The following ZRSR2 variants were observed in gnomAD, a reference collection of about 807,000 sequenced individuals.
ZRSR2 encodes U2 small nuclear ribonucleoprotein auxiliary factor 35 kDa subunit-related protein 2.
Under a neutral mutation model 39.4 loss-of-function variants are expected in ZRSR2, and 3 were observed. That is an observed-to-expected ratio of 0.08 (90% CI 0.03 to 0.20). The LOEUF (loss-of-function observed/expected upper bound fraction) is 0.20, where lower values mean the gene tolerates loss of function less well. Among genes scored for constraint, ZRSR2 ranks in the 10% least tolerant of loss-of-function variants. The pLI is 1.00. For synonymous variants in ZRSR2, 137 were observed against 136.0 expected (o/e 1.01, Z -0.05); for missense variants, 256 against 391.5 (o/e 0.65, Z 2.92).
intron 7 of ZRSR2, among the ~76,000 whole-genome samples, chrX:15,811,457 G>A (rs1299510707): frequency 4.9e-5 from 5 of 102,722 alleles, no homozygotes; most frequent in South Asian, 5.0e-4. Flanking sequence ...ACGGAGTCTC[G>A]CCCTGTCACC....
Position 15,823,078 on chromosome X carries a change from C to G in ZRSR2, c.1285C>G (p.Arg429Gly), listed in dbSNP as rs1473782265. 3.3e-6 allele frequency: 4 copies of G among 1,209,605 alleles called. No individual in the cohort carries two copies. In the East Asian group the frequency reaches 1.2e-4, roughly 36 times the overall value. The change falls in exon 11 of 11, where the codon CGC becomes GGC. Residue 429 changes from arginine to glycine, a missense_variant. Arg to Gly is a moderately radical substitution (Grantham distance 125). Around this residue, in one of 3 missense-constraint regions of ZRSR2, gnomAD observed 111 missense variants for 116.7 expected, o/e 0.95. Transcript: ENST00000307771. ...ACGAAGCAGAGGAAGAAATAGGGAC[C>G]GCAGCAGGGACCGCAGCCGGGGCCG... is the stretch of plus-strand genomic sequence containing the variant. ...NSRSRGRNRDRSRDRSRGRGS... is the reference protein window; with the variant it reads ...NSRSRGRNRDGSRDRSRGRGS...
chrX:15,795,626 G>A lies in ZRSR2; in HGVS notation c.122-4246G>A, dbSNP rs191496885. On this transcript the variant is annotated intron_variant, in intron 2 of 10. Transcript: ENST00000307771. Reference sequence around the variant, plus strand: ...TACAACCAAAAGACAGGCAGCTGGTGCTGATCTTTTCCCTTCAAGGATTGG... The same window carrying A: ...TACAACCAAAAGACAGGCAGCTGGTACTGATCTTTTCCCTTCAAGGATTGG... Among the ~76,000 whole-genome samples, 46 of 112,107 alleles carry A rather than the reference G, an allele frequency of 4.1e-4. 1 individual carries two copies. In the East Asian group the frequency reaches 0.012, roughly 29 times the overall value.
At chrX:15,818,690 G>T (rs1933030716) in intron 9 of ZRSR2, 48 bp downstream of exon 9, 2 of 1,042,822 alleles carry the variant, frequency 1.9e-6, no homozygotes, top group African/African-American at 3.8e-5. Context: ...ACAGTTTGTT[G>T]TTCTGTTTCT....
At chrX:15,810,431 T>A (rs947976597) in intron 7 of ZRSR2, among the ~76,000 whole-genome samples, 1 of 111,786 alleles carries the variant, frequency 8.9e-6, no homozygotes, top group African/African-American at 3.3e-5. Context: ...CTTAACATCC[T>A]ATTAATCCTG....
chrX:15,810,557 C>T lies in ZRSR2; in HGVS notation c.557+1239C>T, dbSNP rs1456611454. On this transcript the variant is annotated intron_variant, in intron 7 of 10. Coordinates refer to ENST00000307771, the MANE Select transcript of ZRSR2 (RefSeq NM_005089.4). ...CTGTGAGGTTTTTTTCCTTCTTCTT[C>T]TTCTTTGAAAATATATCCTTCTCTA... 2.7e-5 allele frequency among the ~76,000 whole-genome samples: 3 copies of T among 111,014 alleles called. No homozygotes were observed. In the East Asian group the frequency reaches 8.4e-4, roughly 31 times the overall value.
chrX:15,804,646 G>T (rs776353031), intron 5 of ZRSR2, among the ~76,000 whole-genome samples: 1 of 111,933 alleles, frequency 8.9e-6, no homozygotes, highest in South Asian at 3.7e-4. Flanking sequence ...CTGAGGTTCT[G>T]CTGTATATGA....
At chrX:15,814,638 A>G (rs892674843) in intron 7 of ZRSR2, among the ~76,000 whole-genome samples, 2 of 111,440 alleles carry the variant, frequency 1.8e-5, no homozygotes, top group Non-Finnish European at 3.8e-5. Flanking sequence ...TCAAAAACAA[A>G]TTGTATTTAT....
intron 2 of ZRSR2, among the ~76,000 whole-genome samples, chrX:15,795,309 A>C (rs1029685839): frequency 9.1e-6 from 1 of 110,402 alleles, no homozygotes; most frequent in South Asian, 3.9e-4. Context: ...GTTCTCTCCC[A>C]TAGCATTGAC....
chrX:15,803,443 A>G (rs1473919026), intron 3 of ZRSR2, among the ~76,000 whole-genome samples: 2 of 111,515 alleles, frequency 1.8e-5, no homozygotes, highest in Non-Finnish European at 1.9e-5. Flanking sequence ...TCACAGCCAT[A>G]TATACCTATG....
At chrX:15,811,396 C>A (rs1198445325) in intron 7 of ZRSR2, among the ~76,000 whole-genome samples, 1 of 104,309 alleles carries the variant, frequency 9.6e-6, no homozygotes, top group Non-Finnish European at 1.9e-5. Context: ...AAATTTAAGA[C>A]CCGTGGTAGC....
Position 15,801,221 on chromosome X carries a change from A to T in ZRSR2, c.203+1268A>T, listed in dbSNP as rs953568337. The T allele has an allele frequency of 1.8e-4, 23 of 129,956 alleles. 1 individual carries two copies. The highest frequency in any genetic ancestry group is 5.2e-4 in the African/African-American group (16 of 31,051). 10.7% of individuals were successfully genotyped at this position (129,956 alleles called of 1,213,427 possible). The stretch of plus-strand genomic sequence containing the variant: ...TCTCTTTTGGGATACATGTTTTTTT[A>T]AAATTTGTTTTTGTTTTGTTTTGTT... On this transcript the variant is annotated intron_variant, in intron 3 of 10. Transcript: ENST00000307771.
chrX:15,803,862 G>A (rs1430170421), intron 4 of ZRSR2, 66 bp downstream of exon 4: 20 of 1,150,340 alleles, frequency 1.7e-5, no homozygotes, highest in Admixed American at 1.6e-4. Flanking sequence ...CTCATGAAGA[G>A]TTGCCTATCT....
intron 2 of ZRSR2, among the ~76,000 whole-genome samples, chrX:15,792,045 A>G (rs760973756): frequency 1.3e-4 from 15 of 111,623 alleles, no homozygotes; most frequent in African/African-American, 4.5e-4. Context: ...GCCTCAAGCA[A>G]TCCTTCCACC....
chrX:15,820,380 TG>T lies in ZRSR2; in HGVS notation c.937+69del, dbSNP rs201567950. On this transcript the variant is annotated intron_variant, in intron 10 of 10. Transcript: ENST00000307771. ...CACTGCTATATAAAGGGATATTCTT[TG>T]GGGGAAACCCAGTATTTTCAAGTGG... The T allele has an allele frequency of 3.1e-3, 3,205 of 1,038,295 alleles. 57 individuals carry two copies. The African/African-American group carries it at 0.053, about 17-fold the overall frequency. 85.6% of individuals were successfully genotyped at this position (1,038,295 alleles called of 1,213,427 possible). A position where few individuals can be genotyped will look rare whatever the true frequency, so the allele number is the denominator to read the frequency against.
At chrX:15,794,708 C>T (rs970315180) in intron 2 of ZRSR2, among the ~76,000 whole-genome samples, 5 of 111,465 alleles carry the variant, frequency 4.5e-5, no homozygotes, top group Non-Finnish European at 9.4e-5. Context: ...AGAGGGTAGA[C>T]GGCACTTGGT....
In ZRSR2 at chrX:15,815,696, T is replaced by G. The variant is rs1284203039; in HGVS notation, c.577T>G (p.Phe193Val). 1 of 1,202,466 alleles carries G rather than the reference T, an allele frequency of 8.3e-7. No homozygotes were observed. The highest frequency in any genetic ancestry group is 3.0e-5 in the East Asian group (1 of 33,661). The change falls in exon 8 of 11, where the codon TTC (phenylalanine) becomes GTC (valine). Residue 193 changes from phenylalanine to valine, a missense_variant. Physicochemically the swap from Phe to Val is conservative, Grantham distance 50. Coordinates refer to ENST00000307771, the MANE Select transcript of ZRSR2 (RefSeq NM_005089.4). ...FGDRCSRKHN[F>V]PTSSPTLLIK... ...ACGCAGATGTTCACGTAAACATAATTTCCCAACATCCAGTCCTACCCTTCT... is the reference window on the plus strand; with the variant it reads ...ACGCAGATGTTCACGTAAACATAATGTCCCAACATCCAGTCCTACCCTTCT...
At chrX:15,800,186 C>CT (rs752445746) in intron 3 of ZRSR2, among the ~76,000 whole-genome samples, 890 of 79,259 alleles carry the variant, frequency 0.011, 3 homozygotes, top group Middle Eastern at 0.021. Flanking sequence ...TTTTTTCTTT[C>CT]TTTTTTTTTT....
intron 2 of ZRSR2, among the ~76,000 whole-genome samples, chrX:15,792,451 T>C (rs748651711): frequency 8.9e-6 from 1 of 111,877 alleles, no homozygotes; most frequent in East Asian, 2.8e-4. Context: ...AAAAATACAT[T>C]TATAAATTAT....
At chrX:15,801,506 C>A in intron 3 of ZRSR2, 1 of 208,070 alleles carries the variant, frequency 4.8e-6, no homozygotes, top group Non-Finnish European at 9.3e-6. Flanking sequence ...GCTGAGATTA[C>A]AGGTGTGAGC....
Sources: allele counts gnomAD v4.1 joint callset (sites outside exome capture counted in the v4.1 genomes callset), GRCh38; gene constraint gnomAD v4.1.1; regional missense constraint gnomAD v4.1.1; transcripts MANE v1.5; gene names NCBI Gene and HGNC (gene_info 2026-07-23, HGNC 2026-07-21).